REEP1: variants seen among roughly 807,000 people sequenced by gnomAD.
REEP1 encodes receptor accessory protein 1, also known as receptor expression-enhancing protein 1.
In REEP1, 22 loss-of-function variants were observed where a neutral mutation model predicts 40.3. The observed-to-expected ratio is 0.55, with a 90% CI of 0.39 to 0.78. The LOEUF is 0.78. REEP1 is among the 30% of genes least tolerant of loss of function. REEP1 has a pLI of 0.00. For missense variants in REEP1, 280 were observed against 361.1 expected, an observed-to-expected ratio of 0.78 and a Z score of 1.82; for synonymous variants, 116 against 139.2, an observed-to-expected ratio of 0.83 and a Z score of 1.17.
intron 5 of REEP1, among the ~76,000 whole-genome samples, chr2:86,244,302 G>A (rs116389002): frequency 0.026 from 4,028 of 152,106 alleles, 154 homozygotes; most frequent in African/African-American, 0.088. Flanking sequence ...ATAAGGATAT[G>A]TGGGAGAGGG....
At chr2:86,327,498 A>G (rs1268800594) in intron 1 of REEP1, among the ~76,000 whole-genome samples, 1 of 151,600 alleles carries the variant, frequency 6.6e-6, no homozygotes, top group African/African-American at 2.4e-5. Context: ...GACAATGGTA[A>G]GGACTTTGAG....
intron 4 of REEP1, 121 bp downstream of exon 4, chr2:86,254,573 G>T: frequency 9.7e-7 from 1 of 1,025,766 alleles, no homozygotes; most frequent in Non-Finnish European, 1.5e-6. Context: ...TAGGAGGAAT[G>T]ACTTGCTGGA....
At chr2:86,263,171 A>T (rs1044896781) in intron 3 of REEP1, among the ~76,000 whole-genome samples, 5 of 152,120 alleles carry the variant, frequency 3.3e-5, no homozygotes, top group African/African-American at 9.7e-5. Flanking sequence ...TACTGCTTTT[A>T]AAAAAAAGAA....
At chr2:86,226,468 C>CT (rs745419771) in intron 7 of REEP1, among the ~76,000 whole-genome samples, 727 of 24,860 alleles carry the variant, frequency 0.029, 18 homozygotes, top group African/African-American at 0.058. Flanking sequence ...TTTTTCTTTT[C>CT]TTTTTTTTTT....
chr2:86,250,757 C>A (rs1235698747), intron 5 of REEP1, among the ~76,000 whole-genome samples: 1 of 152,162 alleles, frequency 6.6e-6, no homozygotes, highest in Non-Finnish European at 1.5e-5. Context: ...GCTTTGTCTG[C>A]AGAATTCCTT....
At chr2:86,254,652 T>C (rs371090057) in intron 4 of REEP1, 42 bp downstream of exon 4, 2 of 1,598,552 alleles carry the variant, frequency 1.3e-6, no homozygotes, top group South Asian at 1.1e-5. Context: ...ACTTATTTTC[T>C]CACTTGCTAG....
intron 3 of REEP1, among the ~76,000 whole-genome samples, chr2:86,263,648 C>CT: frequency 6.6e-6 from 1 of 152,166 alleles, no homozygotes; most frequent in East Asian, 1.9e-4. Context: ...TGCATTGTTT[C>CT]TTTTGTTCCT....
At chr2:86,259,960 A>G (rs6745235) in intron 3 of REEP1, among the ~76,000 whole-genome samples, 63,525 of 152,054 alleles carry the variant, frequency 0.42, 14,750 homozygotes, top group East Asian at 0.65. Flanking sequence ...TAGGAAGACA[A>G]AAGACATATT....
chr2:86,242,628 C>A (rs1007660332), intron 5 of REEP1, among the ~76,000 whole-genome samples: 1 of 152,250 alleles, frequency 6.6e-6, no homozygotes, highest in South Asian at 2.1e-4. Flanking sequence ...CTGGAAACAG[C>A]GCTCAGAGTT....
chr2:86,306,836 C>T (rs929881797), intron 1 of REEP1, among the ~76,000 whole-genome samples: 1 of 151,604 alleles, frequency 6.6e-6, no homozygotes, highest in Admixed American at 6.6e-5. Flanking sequence ...TGAAAAGCAA[C>T]ATGATGGCAT....
At chr2:86,266,593 T>C (rs1238278455) in intron 2 of REEP1, among the ~76,000 whole-genome samples, 1 of 150,892 alleles carries the variant, frequency 6.6e-6, no homozygotes, top group East Asian at 1.9e-4. Context: ...CAGTCCGCAG[T>C]CCGGCCTGGG....
chr2:86,273,173 G>A (rs1218361837), intron 2 of REEP1, among the ~76,000 whole-genome samples: 1 of 151,544 alleles, frequency 6.6e-6, no homozygotes, highest in African/African-American at 2.4e-5. Flanking sequence ...ACCTAAAGCG[G>A]GTGACTTTCT....
At chr2:86,324,922 A>T (rs1265455682) in intron 1 of REEP1, among the ~76,000 whole-genome samples, 2 of 152,248 alleles carry the variant, frequency 1.3e-5, no homozygotes, top group South Asian at 2.1e-4. Flanking sequence ...TGGTATATTC[A>T]TACAATAAAG....
At chr2:86,228,528 A>C (rs1674845078) in intron 6 of REEP1, among the ~76,000 whole-genome samples, 1 of 150,448 alleles carries the variant, frequency 6.6e-6, no homozygotes, top group Non-Finnish European at 1.5e-5. Flanking sequence ...GCATGATCTC[A>C]GCTCACCGCA....
chr2:86,307,372 T>G (rs773394365), intron 1 of REEP1, among the ~76,000 whole-genome samples: 15 of 152,184 alleles, frequency 9.9e-5, no homozygotes, highest in Non-Finnish European at 1.6e-4. Context: ...GCTCTTACAT[T>G]TCCTTTATTT....
chr2:86,256,626 C>A (rs1341312954), intron 3 of REEP1, among the ~76,000 whole-genome samples: 1 of 152,196 alleles, frequency 6.6e-6, no homozygotes, highest in Non-Finnish European at 1.5e-5. Context: ...AAGGCCCTCA[C>A]CCCAGTTTCT....
chr2:86,278,832 G>GT (rs1400506880), intron 2 of REEP1, among the ~76,000 whole-genome samples: 6 of 152,212 alleles, frequency 3.9e-5, no homozygotes, highest in Admixed American at 2.6e-4. Context: ...ATCCTCCCCA[G>GT]TTCCTGGGTA....
chr2:86,232,655 T>C lies in REEP1; in HGVS notation c.565A>G (p.Arg189Gly). 1 of 1,613,026 alleles carries C rather than the reference T, an allele frequency of 6.2e-7. No homozygotes were observed. Among genetic ancestry groups the C allele is most frequent in the Non-Finnish European group, 8.5e-7 (1 of 1,179,994 alleles). The change falls in exon 6 of 9, where the codon AGG becomes GGG. Residue 189 changes from arginine to glycine, a missense_variant. Physicochemically the swap from Arg to Gly is moderately radical, Grantham distance 125 (BLOSUM62 -2). This residue lies in a region of REEP1 where 201 missense variants were observed against 238.5 expected (regional missense o/e 0.84). Transcript: ENST00000538924. ...SGKHGQPKMS[R>G]SASESASSSV... The stretch of plus-strand genomic sequence containing the variant: ...CTGCTAGCGCTCTCAGAAGCACTCC[T>C]GGACATCTTAGGCTGGCCGTGTTTG...
intron 1 of REEP1, among the ~76,000 whole-genome samples, chr2:86,321,623 G>T (rs552971950): frequency 6.6e-5 from 10 of 152,100 alleles, no homozygotes; most frequent in African/African-American, 2.4e-4. Context: ...GACCAAATTG[G>T]GTTTATCCAG....
Sources: allele counts gnomAD v4.1 joint callset (sites outside exome capture counted in the v4.1 genomes callset), GRCh38; gene constraint gnomAD v4.1.1; regional missense constraint gnomAD v4.1.1; transcripts MANE v1.5; gene names NCBI Gene and HGNC (gene_info 2026-07-23, HGNC 2026-07-21).